Variants in NMNAT2 observed in about 807,000 individuals in gnomAD.
NMNAT2 encodes nicotinamide nucleotide adenylyltransferase 2.
A neutral mutation model predicts 41.6 loss-of-function variants in NMNAT2; 11 were observed. That is an observed-to-expected ratio of 0.26 (90% CI 0.17 to 0.44). NMNAT2 has a LOEUF of 0.44. NMNAT2 is among the 20% of genes least tolerant of loss of function. The pLI is 1.00. For missense variants in NMNAT2, 288 were observed against 407.7 expected (o/e 0.71, Z 2.53); for synonymous variants, 148 against 151.2 (o/e 0.98, Z 0.16).
intron 8 of NMNAT2, among the ~76,000 whole-genome samples, chr1:183,264,902 T>A (rs975700285): frequency 6.6e-6 from 1 of 152,106 alleles, no homozygotes; most frequent in Non-Finnish European, 1.5e-5. Context: ...CCGTGCTAAT[T>A]CCTCCTTTTC....
intron 1 of NMNAT2, among the ~76,000 whole-genome samples, chr1:183,383,430 G>A (rs2225932): frequency 0.15 from 23,212 of 152,164 alleles, 1,992 homozygotes; most frequent in East Asian, 0.26. Flanking sequence ...CAGCTGGCTC[G>A]AATTCCTCCC....
intron 1 of NMNAT2, among the ~76,000 whole-genome samples, chr1:183,344,792 C>T (rs931429041): frequency 2.0e-5 from 3 of 152,190 alleles, no homozygotes; most frequent in African/African-American, 2.4e-5. Flanking sequence ...CATTTAAACG[C>T]TATTTTACAA....
chr1:183,306,303 C>G (rs990644343), intron 1 of NMNAT2, among the ~76,000 whole-genome samples: 2 of 152,080 alleles, frequency 1.3e-5, no homozygotes, highest in African/African-American at 4.8e-5. Context: ...ATCCAGATAG[C>G]CCCTGGAAGC....
chr1:183,367,117 A>G (rs1663430131), intron 1 of NMNAT2, among the ~76,000 whole-genome samples: 1 of 152,186 alleles, frequency 6.6e-6, no homozygotes, highest in Admixed American at 6.5e-5. Flanking sequence ...TCATATTTCC[A>G]CATCCTAGCA....
At chr1:183,398,901 C>T (rs1648729204) in intron 1 of NMNAT2, among the ~76,000 whole-genome samples, 1 of 152,204 alleles carries the variant, frequency 6.6e-6, no homozygotes, top group Admixed American at 6.5e-5. Context: ...CTCTGGGACA[C>T]ATTCAAAGCA....
intron 1 of NMNAT2, among the ~76,000 whole-genome samples, chr1:183,386,996 C>T (rs556995201): frequency 3.4e-4 from 51 of 151,838 alleles, no homozygotes; most frequent in African/African-American, 1.1e-3. Flanking sequence ...AGTTTAATGA[C>T]AACAGAGAAA....
chr1:183,398,570 A>G (rs767945186), intron 1 of NMNAT2, among the ~76,000 whole-genome samples: 2 of 152,212 alleles, frequency 1.3e-5, no homozygotes, highest in Admixed American at 6.5e-5. Context: ...CCTAATAGAC[A>G]TCTACAGAAC....
chr1:183,307,970 T>A (rs1662034040), intron 1 of NMNAT2, among the ~76,000 whole-genome samples: 1 of 152,184 alleles, frequency 6.6e-6, no homozygotes, highest in African/African-American at 2.4e-5. Context: ...ACTTTAGTGC[T>A]TCAGCTGAGG....
chr1:183,276,457 C>T (rs377096598), intron 8 of NMNAT2, among the ~76,000 whole-genome samples: 44 of 152,198 alleles, frequency 2.9e-4, no homozygotes, highest in East Asian at 1.4e-3. Flanking sequence ...GTTAGAGGAC[C>T]GGTGATCTAA....
At chr1:183,401,665 C>T (rs558981727) in intron 1 of NMNAT2, among the ~76,000 whole-genome samples, 1 of 152,260 alleles carries the variant, frequency 6.6e-6, no homozygotes, top group South Asian at 2.1e-4. Context: ...GGAACCAACC[C>T]AAACGTCCAT....
chr1:183,405,307 T>C (rs1557901885), intron 1 of NMNAT2, among the ~76,000 whole-genome samples: 1 of 152,070 alleles, frequency 6.6e-6, no homozygotes, highest in Non-Finnish European at 1.5e-5. Flanking sequence ...GATTGGGAAG[T>C]GGGTAGGGGT....
intron 1 of NMNAT2, among the ~76,000 whole-genome samples, chr1:183,369,045 C>T (rs1015654731): frequency 3.3e-5 from 5 of 152,152 alleles, no homozygotes; most frequent in African/African-American, 7.2e-5. Context: ...CCCCTTCTCA[C>T]GGCAACTCTG....
At chr1:183,326,567 A>C (rs1343062866) in intron 1 of NMNAT2, among the ~76,000 whole-genome samples, 1 of 152,094 alleles carries the variant, frequency 6.6e-6, no homozygotes, top group Non-Finnish European at 1.5e-5. Context: ...CAGGACAGGG[A>C]AAATTTGATG....
intron 1 of NMNAT2, among the ~76,000 whole-genome samples, chr1:183,337,148 C>T (rs1348851492): frequency 6.6e-6 from 1 of 151,972 alleles, no homozygotes; most frequent in East Asian, 1.9e-4. Flanking sequence ...AATTCAGTGA[C>T]TTGAACATTT....
At chr1:183,304,523 G>A (rs1377934819) in intron 1 of NMNAT2, 3 of 675,630 alleles carry the variant, frequency 4.4e-6, no homozygotes, top group Non-Finnish European at 7.6e-6. Context: ...TAGGGATCAG[G>A]CTGATGTCCC....
At position 183,293,802 on chromosome 1, in the gene NMNAT2, GA is replaced by G. The variant is rs1233973126; in HGVS notation, c.86-10del. 6.3e-7 allele frequency: 1 copy of G among 1,597,778 alleles called. No individual in the cohort carries two copies. Among genetic ancestry groups the G allele is most frequent in the Non-Finnish European group, 8.6e-7 (1 of 1,165,224 alleles). The stretch of plus-strand genomic sequence containing the variant: ...ATAATCCCTGGCTCTTTCTAATTAA[GA>G]GAAGAAACCCACACATTATAAAGAG... On this transcript the variant is annotated splice_polypyrimidine_tract_variant and intron_variant, in intron 1 of 10. Coordinates refer to ENST00000287713, the MANE Select transcript of NMNAT2 (RefSeq NM_015039.4).
chr1:183,404,571 T>G (rs1648902917), intron 1 of NMNAT2, among the ~76,000 whole-genome samples: 1 of 152,148 alleles, frequency 6.6e-6, no homozygotes, highest in Non-Finnish European at 1.5e-5. Flanking sequence ...CATTCGTGGC[T>G]TTGAAGGGAA....
intron 1 of NMNAT2, among the ~76,000 whole-genome samples, chr1:183,371,955 A>AT (rs767640157): frequency 2.6e-5 from 4 of 151,870 alleles, no homozygotes; most frequent in East Asian, 3.9e-4. Context: ...AATTTTTTCA[A>AT]TTTTTTGTAG....
rs1171582790 is a variant in NMNAT2 at position 183,248,670 on chromosome 1, T to C, written c.*3971A>G. ...GACTGGATGAATTTGGCAGAGCATA[T>C]TCATCACCATTACTACAATGCTATT... On this transcript the variant is annotated 3_prime_UTR_variant, in exon 11 of 11. Transcript: ENST00000287713. 6.6e-6 allele frequency: 1 copy of C among 152,178 alleles called. No homozygotes were observed. The highest frequency in any genetic ancestry group is 6.5e-5 in the Admixed American group (1 of 15,284). 9.4% of individuals were successfully genotyped at this position (152,178 alleles called of 1,614,324 possible). A position where few individuals can be genotyped will look rare whatever the true frequency, so the allele number is the denominator to read the frequency against.
Sources: gnomAD v4.1 joint callset for allele counts (sites outside exome capture counted in the v4.1 genomes callset) on GRCh38, gnomAD v4.1.1 for gene constraint, MANE v1.5 for transcripts, NCBI Gene and HGNC (gene_info 2026-07-23, HGNC 2026-07-21) for gene names.